SPIDR: variants seen among roughly 807,000 people sequenced by gnomAD.
SPIDR encodes the protein scaffold protein involved in DNA repair.
Under a neutral mutation model 104.6 loss-of-function variants are expected in SPIDR, and 93 were observed. That is an observed-to-expected ratio of 0.89 (90% CI 0.75 to 1.06). The LOEUF is 1.06. Ranked by LOEUF, SPIDR falls within the 50% of genes least tolerant of loss-of-function variation. The pLI is 0.00. For synonymous variants in SPIDR, 431 were observed against 416.9 expected (o/e 1.03, Z -0.41); for missense variants, 1,154 against 1,111.2 (o/e 1.04, Z -0.55).
chr8:47,485,873 A>G (rs1292876376), intron 8 of SPIDR, among the ~76,000 whole-genome samples: 1 of 152,216 alleles, frequency 6.6e-6, no homozygotes, highest in African/African-American at 2.4e-5. Context: ...CAAAGACCAA[A>G]GGTAGATACA....
intron 7 of SPIDR, among the ~76,000 whole-genome samples, chr8:47,437,055 A>G (rs191594488): frequency 6.6e-6 from 1 of 152,366 alleles, no homozygotes. Context: ...ATCTTGATCA[A>G]AATTCATAGT....
intron 10 of SPIDR, among the ~76,000 whole-genome samples, chr8:47,664,898 A>C (rs2074694540): frequency 6.6e-6 from 1 of 151,888 alleles, no homozygotes; most frequent in African/African-American, 2.4e-5. Flanking sequence ...CTGTCTCAAA[A>C]AAAAAAAAAG....
At chr8:47,380,825 T>G (rs1238557234) in intron 5 of SPIDR, among the ~76,000 whole-genome samples, 1 of 152,192 alleles carries the variant, frequency 6.6e-6, no homozygotes, top group Non-Finnish European at 1.5e-5. Flanking sequence ...CCTGTAGCTT[T>G]TGTTTTGCCT....
At chr8:47,326,325 A>C (rs1459559818) in intron 5 of SPIDR, among the ~76,000 whole-genome samples, 1 of 152,186 alleles carries the variant, frequency 6.6e-6, no homozygotes, top group Non-Finnish European at 1.5e-5. Context: ...TCTTTTATGT[A>C]ATAATGGAAA....
At chr8:47,411,593 A>G (rs1023648886) in intron 7 of SPIDR, among the ~76,000 whole-genome samples, 12 of 152,124 alleles carry the variant, frequency 7.9e-5, no homozygotes, top group Non-Finnish European at 1.3e-4. Context: ...GTTTTCTCCC[A>G]TTCTGTAGGT....
chr8:47,503,660 A>G (rs1210635080), intron 8 of SPIDR, among the ~76,000 whole-genome samples: 2 of 152,162 alleles, frequency 1.3e-5, no homozygotes, highest in African/African-American at 4.8e-5. Context: ...GTTATGTGTG[A>G]ATTTGATCCT....
At chr8:47,727,416 C>T in intron 17 of SPIDR, 123 bp downstream of exon 17, 2 of 817,810 alleles carry the variant, frequency 2.4e-6, no homozygotes, top group Non-Finnish European at 4.0e-6. Flanking sequence ...GCAACCTCTG[C>T]CTCTGCTGAG....
At chr8:47,550,671 G>C (rs2090299954) in intron 8 of SPIDR, among the ~76,000 whole-genome samples, 1 of 152,220 alleles carries the variant, frequency 6.6e-6, no homozygotes, top group South Asian at 2.1e-4. Context: ...CTTTGGGGCT[G>C]AGACAATGGG....
intron 5 of SPIDR, among the ~76,000 whole-genome samples, chr8:47,315,954 A>G (rs1679735048): frequency 6.6e-6 from 1 of 152,202 alleles, no homozygotes. Context: ...GGATACAGAA[A>G]GCAGCAACTG....
chr8:47,675,693 G>A (rs1194521544), intron 11 of SPIDR, among the ~76,000 whole-genome samples: 1 of 152,214 alleles, frequency 6.6e-6, no homozygotes, highest in Non-Finnish European at 1.5e-5. Context: ...GCACATGCCT[G>A]TAGTCCCAGC....
chr8:47,727,766 C>G (rs2084501727), intron 17 of SPIDR, among the ~76,000 whole-genome samples: 1 of 152,190 alleles, frequency 6.6e-6, no homozygotes, highest in Non-Finnish European at 1.5e-5. Context: ...AGTCCTCCGG[C>G]CTCCCAAGTG....
Position 47,580,082 on chromosome 8 carries a change from A to G in SPIDR, c.1098-15729A>G, listed in dbSNP as rs1357723888. Among the ~76,000 whole-genome samples, 4 of 152,238 alleles carry G rather than the reference A, an allele frequency of 2.6e-5. No homozygotes were observed. In the East Asian group the frequency reaches 7.7e-4, roughly 29 times the overall value. On this transcript the variant is annotated intron_variant, in intron 8 of 19. Transcript: ENST00000297423. Reference sequence around the variant, plus strand: ...TTGTTGTGAAGAGGACTAAGAGCATAGCAAGTGAATTAAAGCCATCAGACT... The same window carrying G: ...TTGTTGTGAAGAGGACTAAGAGCATGGCAAGTGAATTAAAGCCATCAGACT...
chr8:47,673,247 A>ATGG (rs2076014975), intron 10 of SPIDR, among the ~76,000 whole-genome samples: 1 of 152,232 alleles, frequency 6.6e-6, no homozygotes. Context: ...GCTGTCCATC[A>ATGG]TGGCTGTGTT....
chr8:47,625,231 G>A (rs866085676), intron 10 of SPIDR, among the ~76,000 whole-genome samples: 3 of 152,140 alleles, frequency 2.0e-5, no homozygotes, highest in South Asian at 2.1e-4. Context: ...TTGATGAGAC[G>A]TACCTCAAAA....
chr8:47,436,817 C>CT (rs1428273413), intron 7 of SPIDR, among the ~76,000 whole-genome samples: 3 of 152,058 alleles, frequency 2.0e-5, no homozygotes, highest in African/African-American at 2.4e-5. Flanking sequence ...GCTTACCCTG[C>CT]TTTTTTTTCT....
rs968151512 is a variant in SPIDR, at chr8:47,261,023, C to T, written c.33+32C>T. The T allele has an allele frequency of 4.9e-6, 6 of 1,225,840 alleles. No homozygotes were observed. In the African/African-American group the frequency reaches 9.4e-5, roughly 19 times the overall value. 75.9% of individuals were successfully genotyped at this position (1,225,840 alleles called of 1,614,324 possible). On this transcript the variant is annotated intron_variant, in intron 1 of 19. Coordinates refer to ENST00000297423, the MANE Select transcript of SPIDR (RefSeq NM_001080394.4). ...TCTGGGGCGGGAGTGGGCGCCGCGC[C>T]GTTTCCCGCGTTGCGGGGAAGCGGC...
At chr8:47,262,541 A>G (rs911038850) in intron 1 of SPIDR, among the ~76,000 whole-genome samples, 2 of 152,142 alleles carry the variant, frequency 1.3e-5, no homozygotes, top group Admixed American at 1.3e-4. Context: ...TTCCAAGCTC[A>G]CTCACGTGGT....
At chr8:47,669,784 G>A (rs1019464943) in intron 10 of SPIDR, among the ~76,000 whole-genome samples, 4 of 152,140 alleles carry the variant, frequency 2.6e-5, no homozygotes, top group African/African-American at 4.8e-5. Context: ...GGTGGATCAC[G>A]AGGTCAAGAG....
At chr8:47,471,594 C>T (rs1554721094) in intron 8 of SPIDR, among the ~76,000 whole-genome samples, 1 of 151,996 alleles carries the variant, frequency 6.6e-6, no homozygotes, top group African/African-American at 2.4e-5. Flanking sequence ...CTAAGGAAAA[C>T]AGTTCGGGAA....
Sources: gnomAD v4.1 joint callset for allele counts (sites outside exome capture counted in the v4.1 genomes callset) on GRCh38, gnomAD v4.1.1 for gene constraint, MANE v1.5 for transcripts, NCBI Gene and HGNC (gene_info 2026-07-23, HGNC 2026-07-21) for gene names.